Variants in RFX3 observed in about 807,000 individuals in gnomAD.
The protein encoded by RFX3 is transcription factor RFX3.
In RFX3, 14 loss-of-function variants were observed where a neutral mutation model predicts 98.6. The observed-to-expected ratio is 0.14, with a 90% CI of 0.09 to 0.22. The LOEUF is 0.22. Ranked by LOEUF, RFX3 falls within the 10% of genes least tolerant of loss-of-function variation. The pLI is 1.00. For missense variants in RFX3, 639 were observed against 926.9 expected (o/e 0.69, Z 4.03); for synonymous variants, 383 against 328.4 (o/e 1.17, Z -1.80).
chr9:3,333,092 G>A (rs565411877), intron 3 of RFX3, among the ~76,000 whole-genome samples: 1 of 152,244 alleles, frequency 6.6e-6, no homozygotes, highest in African/African-American at 2.4e-5. Context: ...TAACACAGTT[G>A]CTGGTACATA....
At chr9:3,365,554 A>G (rs1046602481) in intron 2 of RFX3, among the ~76,000 whole-genome samples, 1 of 152,230 alleles carries the variant, frequency 6.6e-6, no homozygotes, top group Admixed American at 6.5e-5. Context: ...GAAAAAGAGT[A>G]GCAACCATAA....
intron 1 of RFX3, among the ~76,000 whole-genome samples, chr9:3,421,600 A>G (rs2132352574): frequency 6.6e-6 from 1 of 152,272 alleles, no homozygotes; most frequent in South Asian, 2.1e-4. Flanking sequence ...CAAGTCCTTG[A>G]CCTATATGAA....
intron 2 of RFX3, among the ~76,000 whole-genome samples, chr9:3,382,829 T>C (rs979825092): frequency 3.3e-5 from 5 of 152,148 alleles, no homozygotes; most frequent in Admixed American, 1.3e-4. Flanking sequence ...TTTTTCGCTA[T>C]ATATTTCTCT....
At chr9:3,504,972 A>ATC (rs1316211073) in intron 1 of RFX3, among the ~76,000 whole-genome samples, 2 of 66,268 alleles carry the variant, frequency 3.0e-5, no homozygotes, top group African/African-American at 1.7e-4. Flanking sequence ...TATAATATAT[A>ATC]TTATATAATA....
At chr9:3,270,188 C>T (rs1824247512) in intron 11 of RFX3, among the ~76,000 whole-genome samples, 183 bp downstream of exon 11, 2 of 151,756 alleles carry the variant, frequency 1.3e-5, no homozygotes, top group South Asian at 2.1e-4. Flanking sequence ...AATAGATCAT[C>T]TGTTCCCTTT....
chr9:3,365,144 CAA>C (rs1836905202), intron 2 of RFX3, among the ~76,000 whole-genome samples: 1 of 151,714 alleles, frequency 6.6e-6, no homozygotes, highest in African/African-American at 2.4e-5. Context: ...TACTGAAATA[CAA>C]AAAATTAACC....
At position 3,525,750 on chromosome 9, in the gene RFX3, G is replaced by T; in HGVS notation, c.-12C>A. ...GTAGAGACCGAAGAATATTCACCTT[G>T]GCTGTGGATTATTGTGGTGTTGTTG... On this transcript the variant is annotated 5_prime_UTR_variant, in exon 1 of 17. Transcript: ENST00000617270. The T allele has an allele frequency of 3.3e-6, 1 of 303,250 alleles. No individual in the cohort carries two copies. Among genetic ancestry groups the T allele is most frequent in the Non-Finnish European group, 4.9e-6 (1 of 205,866 alleles). The allele number at this position is 303,250 out of a possible 1,614,324, so 18.8% of individuals were successfully genotyped here. A position where few individuals can be genotyped will look rare whatever the true frequency, so the allele number is the denominator to read the frequency against.
At chr9:3,466,827 C>T (rs547626576) in intron 1 of RFX3, among the ~76,000 whole-genome samples, 46 of 151,592 alleles carry the variant, frequency 3.0e-4, no homozygotes, top group African/African-American at 1.1e-3. Flanking sequence ...AGTTTCTATC[C>T]CTGAAACAGA....
chr9:3,218,759 CA>C lies in RFX3; in HGVS notation c.*6282del, dbSNP rs1005402419. On this transcript the variant is annotated 3_prime_UTR_variant, in exon 17 of 17. Coordinates refer to ENST00000617270, the MANE Select transcript of RFX3 (RefSeq NM_001282116.2). Reference sequence around the variant, plus strand: ...CATTATCTCACACATACAATCTCTACAAAAGTTGCTTACCTCATTTACATAA... The same window carrying C: ...CATTATCTCACACATACAATCTCTACAAAGTTGCTTACCTCATTTACATAA... 8 of 152,124 alleles carry C rather than the reference CA, an allele frequency of 5.3e-5. No individual in the cohort carries two copies. Among genetic ancestry groups the C allele is most frequent in the African/African-American group, 1.9e-4 (8 of 41,440 alleles). 9.4% of individuals were successfully genotyped at this position (152,124 alleles called of 1,614,324 possible).
In RFX3 at chr9:3,449,864, T is replaced by G. The variant is rs192460456; in HGVS notation, c.-8-54268A>C. ...GCCTGGGCAACTGAGCGACACCCTG[T>G]CTCAATAAAAAAAAAAGAAAAGAAA... On this transcript the variant is annotated intron_variant, in intron 1 of 16. Coordinates refer to ENST00000617270, the MANE Select transcript of RFX3 (RefSeq NM_001282116.2). 8.5e-3 allele frequency among the ~76,000 whole-genome samples: 1,216 copies of G among 142,372 alleles called. 21 individuals carry two copies. Among genetic ancestry groups the G allele is most frequent in the Admixed American group, 0.032 (445 of 13,848 alleles). The allele number at this position is 142,372 out of a possible 152,430, so 93.4% of individuals were successfully genotyped here. A position where few individuals can be genotyped will look rare whatever the true frequency, so the allele number is the denominator to read the frequency against.
intron 13 of RFX3, among the ~76,000 whole-genome samples, chr9:3,260,840 A>C (rs1470664206): frequency 6.7e-6 from 1 of 150,272 alleles, no homozygotes; most frequent in African/African-American, 2.4e-5. Context: ...AACTTCATAT[A>C]TATAGTTTTA....
chr9:3,524,862 CA>C (rs1564205400), intron 1 of RFX3, among the ~76,000 whole-genome samples: 134 of 137,666 alleles, frequency 9.7e-4, no homozygotes, highest in East Asian at 3.2e-3. Context: ...CACACACACA[CA>C]CACACACACA....
chr9:3,342,206 A>C lies in RFX3; in HGVS notation c.215+4461T>G, dbSNP rs1297940406. Among the ~76,000 whole-genome samples the C allele has an allele frequency of 8.5e-5, 13 of 152,318 alleles. No individual in the cohort carries two copies. The East Asian group carries it at 2.1e-3, about 25-fold the overall frequency. On this transcript the variant is annotated intron_variant, in intron 3 of 16. Transcript: ENST00000617270. ...CCAAAGCATAACATGTGATTTTATT[A>C]GATATTACTCAGGTACAAGTATTCT...
chr9:3,498,234 G>C (rs1851249847), intron 1 of RFX3, among the ~76,000 whole-genome samples: 1 of 151,988 alleles, frequency 6.6e-6, no homozygotes, highest in South Asian at 2.1e-4. Flanking sequence ...TACTTTTACT[G>C]TCGCTGTAAA....
intron 5 of RFX3, 146 bp from the exon 6 acceptor site, chr9:3,293,404 G>GTAATCTGCCTTTGA: frequency 1.8e-6 from 1 of 560,712 alleles, no homozygotes; most frequent in Non-Finnish European, 3.0e-6. Flanking sequence ...TCAGAAGGTG[G>GTAATCTGCCTTTGA]TAATCTGCCT....
intron 13 of RFX3, among the ~76,000 whole-genome samples, chr9:3,257,473 G>C (rs892029412): frequency 3.3e-5 from 5 of 152,134 alleles, no homozygotes; most frequent in African/African-American, 1.2e-4. Context: ...ACTAGTCTGT[G>C]TAAAAGACTA....
chr9:3,432,383 C>A (rs1206453336), intron 1 of RFX3, among the ~76,000 whole-genome samples: 4 of 151,996 alleles, frequency 2.6e-5, no homozygotes, highest in Non-Finnish European at 4.4e-5. Context: ...GGAAGAGAAC[C>A]CCAGTAGAGA....
At chr9:3,515,382 A>G (rs1294407737) in intron 1 of RFX3, among the ~76,000 whole-genome samples, 1 of 152,242 alleles carries the variant, frequency 6.6e-6, no homozygotes, top group Non-Finnish European at 1.5e-5. Flanking sequence ...TCACAAAAAT[A>G]GATGTATTCT....
chr9:3,477,259 CATA>C (rs1459332752), intron 1 of RFX3, among the ~76,000 whole-genome samples: 2 of 152,172 alleles, frequency 1.3e-5, no homozygotes, highest in African/African-American at 4.8e-5. Context: ...ACATGTCTTT[CATA>C]ATGCCTGTAG....
Sources: gnomAD v4.1 joint callset for allele counts (sites outside exome capture counted in the v4.1 genomes callset) on GRCh38, gnomAD v4.1.1 for gene constraint, MANE v1.5 for transcripts, NCBI Gene and HGNC (gene_info 2026-07-23, HGNC 2026-07-21) for gene names.